Variants in ACOT13 observed in about 807,000 individuals in gnomAD.
ACOT13 encodes the protein acyl-coenzyme A thioesterase 13.
ACOT13 carries 10 observed loss-of-function variants against 11.8 expected under a neutral mutation model. The ratio of observed to expected loss-of-function variants is 0.85; its 90% CI spans 0.53 to 1.44. The LOEUF is 1.44. Ranked by LOEUF, ACOT13 falls within the 40% of genes most tolerant of loss-of-function variation. The pLI, the probability that ACOT13 is intolerant of heterozygous loss-of-function variation, is 0.00. For synonymous variants in ACOT13, 53 were observed against 61.0 expected, an observed-to-expected ratio of 0.87 and a Z score of 0.61; for missense variants, 172 against 174.1, an observed-to-expected ratio of 0.99 and a Z score of 0.07.
rs143877347 is a variant in ACOT13 at position 24,677,392 on chromosome 6, C to A, written c.81+10048C>A. 2.3e-3 allele frequency among the ~76,000 whole-genome samples: 358 copies of A among 152,352 alleles called. 1 individual carries two copies. The highest frequency in any genetic ancestry group is 4.1e-3 in the Admixed American group (63 of 15,308). ...TTAGCAGTGAGTATGCCATTCACAT[C>A]ATGAGATGTTCACACAGTAAGATCT... is the stretch of plus-strand genomic sequence containing the variant. On this transcript the variant is annotated intron_variant, in intron 1 of 2. Coordinates refer to ENST00000230048, the MANE Select transcript of ACOT13 (RefSeq NM_018473.4).
At chr6:24,678,123 C>T (rs1245846269) in intron 1 of ACOT13, among the ~76,000 whole-genome samples, 4 of 152,068 alleles carry the variant, frequency 2.6e-5, no homozygotes, top group Admixed American at 2.0e-4. Context: ...AATAGATGGG[C>T]GCTATGCTTG....
intron 1 of ACOT13, among the ~76,000 whole-genome samples, chr6:24,693,484 AAAG>A (rs1778747594): frequency 6.6e-6 from 1 of 152,224 alleles, no homozygotes. Flanking sequence ...CCTTTTAAAA[AAAG>A]ACCAGAATGA....
chr6:24,682,387 G>A (rs1024287543), intron 1 of ACOT13, among the ~76,000 whole-genome samples: 3 of 152,174 alleles, frequency 2.0e-5, no homozygotes, highest in Non-Finnish European at 2.9e-5. Context: ...GGCAAGCCTC[G>A]TGTTCTCTTA....
chr6:24,694,710 T>A (rs945458862), intron 1 of ACOT13, among the ~76,000 whole-genome samples: 2 of 152,190 alleles, frequency 1.3e-5, no homozygotes, highest in African/African-American at 4.8e-5. Context: ...GGACATTCCT[T>A]CATCATCTTC....
At position 24,703,371 on chromosome 6, in the gene ACOT13, C is replaced by A. The variant is rs1387822356; in HGVS notation, c.*1756C>A. ...AGTAGCAATAGCAGCAGTGAGCATA[C>A]AGGAGTCCCAGATGTTTACTTCTAG... On this transcript the variant is annotated 3_prime_UTR_variant, in exon 3 of 3. Coordinates refer to ENST00000230048, the MANE Select transcript of ACOT13 (RefSeq NM_018473.4). The A allele has an allele frequency of 6.6e-6, 1 of 152,078 alleles. No homozygotes were observed. Among genetic ancestry groups the A allele is most frequent in the African/African-American group, 2.4e-5 (1 of 41,378 alleles). The allele number at this position is 152,078 out of a possible 1,614,324, so 9.4% of individuals were successfully genotyped here.
intron 1 of ACOT13, among the ~76,000 whole-genome samples, chr6:24,694,860 C>CA (rs1778770274): frequency 6.6e-6 from 1 of 152,156 alleles, no homozygotes; most frequent in African/African-American, 2.4e-5. Flanking sequence ...ATTAGTATGT[C>CA]CTTTGGCCTT....
In ACOT13 at chr6:24,701,785, CACTT is replaced by C. The variant is rs1778897030; in HGVS notation, c.*171_*174del. 1 of 564,820 alleles carries C rather than the reference CACTT, an allele frequency of 1.8e-6. No individual in the cohort carries two copies. The highest frequency in any genetic ancestry group is 2.9e-6 in the Non-Finnish European group (1 of 345,078). The allele number at this position is 564,820 out of a possible 1,614,324, so 35.0% of individuals were successfully genotyped here. ...GGGTAAAGGTGGGGGTGTCTTTTTT[CACTT>C]TAAGCATCTTGTTTTCTAATCATGT... is the stretch of plus-strand genomic sequence containing the variant. On this transcript the variant is annotated 3_prime_UTR_variant, in exon 3 of 3. Coordinates refer to ENST00000230048, the MANE Select transcript of ACOT13 (RefSeq NM_018473.4).
intron 1 of ACOT13, among the ~76,000 whole-genome samples, chr6:24,677,449 C>G (rs1304479755): frequency 3.9e-5 from 6 of 152,222 alleles, no homozygotes; most frequent in Admixed American, 3.3e-4. Flanking sequence ...GCTTCAGATA[C>G]TAAGACTGCT....
intron 1 of ACOT13, among the ~76,000 whole-genome samples, chr6:24,694,288 A>C (rs1484045299): frequency 2.6e-5 from 4 of 152,166 alleles, no homozygotes; most frequent in Admixed American, 6.5e-5. Flanking sequence ...ACATCATAAA[A>C]GCCTCCATAC....
chr6:24,670,541 G>A (rs1278167003), intron 1 of ACOT13, among the ~76,000 whole-genome samples: 2 of 152,196 alleles, frequency 1.3e-5, no homozygotes, highest in Non-Finnish European at 2.9e-5. Flanking sequence ...TCCACTCAAA[G>A]CCTTGGTAAA....
intron 1 of ACOT13, among the ~76,000 whole-genome samples, chr6:24,692,394 G>A (rs909307517): frequency 2.0e-4 from 30 of 152,164 alleles, no homozygotes; most frequent in African/African-American, 7.2e-4. Flanking sequence ...TTTGATAATA[G>A]TTTTTATAAT....
intron 1 of ACOT13, among the ~76,000 whole-genome samples, chr6:24,669,050 GA>G (rs1264553353): frequency 6.6e-6 from 1 of 152,338 alleles, no homozygotes; most frequent in African/African-American, 2.4e-5. Context: ...TCGCTTGTAA[GA>G]AAATCATGCT....
intron 1 of ACOT13, among the ~76,000 whole-genome samples, chr6:24,690,258 C>A (rs978533009): frequency 6.6e-6 from 1 of 152,168 alleles, no homozygotes; most frequent in South Asian, 2.1e-4. Flanking sequence ...TGCAAAAATT[C>A]TACACAATTT....
Position 24,667,162 on chromosome 6 carries a change from T to C in ACOT13, c.-102T>C. On this transcript the variant is annotated 5_prime_UTR_variant, in exon 1 of 3. Coordinates refer to ENST00000230048, the MANE Select transcript of ACOT13 (RefSeq NM_018473.4). ...CCTAGGGGCGGAGAAGGGTGCGGGC[T>C]CTTCGCCCTTTGTGTCCTCCTTCTT... 2.4e-6 allele frequency: 3 copies of C among 1,234,636 alleles called. No individual in the cohort carries two copies. Among genetic ancestry groups the C allele is most frequent in the Admixed American group, 2.1e-5 (1 of 48,696 alleles). 76.5% of individuals were successfully genotyped at this position (1,234,636 alleles called of 1,614,324 possible). A position where few individuals can be genotyped will look rare whatever the true frequency, so the allele number is the denominator to read the frequency against.
In ACOT13 at chr6:24,704,921, CTTTT is replaced by C. The variant is rs532472016; in HGVS notation, c.*3310_*3313del. Reference sequence around the variant, plus strand: ...CCTATTTTATTTAGGTTTTCTTTTTCTTTTTTTCTTTTTTTTTCAAATTCCAACC... The same window carrying C: ...CCTATTTTATTTAGGTTTTCTTTTTCTTTCTTTTTTTTTCAAATTCCAACC... On this transcript the variant is annotated 3_prime_UTR_variant, in exon 3 of 3. Coordinates refer to ENST00000230048, the MANE Select transcript of ACOT13 (RefSeq NM_018473.4). The C allele has an allele frequency of 5.3e-5, 8 of 151,750 alleles. No individual in the cohort carries two copies. The highest frequency in any genetic ancestry group is 2.0e-4 in the Admixed American group (3 of 15,236). 9.4% of individuals were successfully genotyped at this position (151,750 alleles called of 1,614,324 possible). A position where few individuals can be genotyped will look rare whatever the true frequency, so the allele number is the denominator to read the frequency against.
chr6:24,704,129 A>G lies in ACOT13; in HGVS notation c.*2514A>G, dbSNP rs932854115. On this transcript the variant is annotated 3_prime_UTR_variant, in exon 3 of 3. Coordinates refer to ENST00000230048, the MANE Select transcript of ACOT13 (RefSeq NM_018473.4). ...TGAGTTTGGTAATTTTACTCTAGTTATATGAAATATTCTTGTACTTGGAAC... is the reference window on the plus strand; with the variant it reads ...TGAGTTTGGTAATTTTACTCTAGTTGTATGAAATATTCTTGTACTTGGAAC... 15 of 152,234 alleles carry G rather than the reference A, an allele frequency of 9.9e-5. No homozygotes were observed. Among genetic ancestry groups the G allele is most frequent in the African/African-American group, 3.6e-4 (15 of 41,464 alleles). The allele number at this position is 152,234 out of a possible 1,614,324, so 9.4% of individuals were successfully genotyped here.
chr6:24,667,716 G>A (rs901870261), intron 1 of ACOT13, among the ~76,000 whole-genome samples: 1 of 152,214 alleles, frequency 6.6e-6, no homozygotes, highest in Non-Finnish European at 1.5e-5. Context: ...AAGATTAGAA[G>A]ATAAATAATT....
At chr6:24,691,817 C>A (rs564577963) in intron 1 of ACOT13, among the ~76,000 whole-genome samples, 1 of 152,160 alleles carries the variant, frequency 6.6e-6, no homozygotes, top group Non-Finnish European at 1.5e-5. Context: ...CTTTGACTTA[C>A]GATGAGGTCG....
intron 1 of ACOT13, among the ~76,000 whole-genome samples, chr6:24,682,692 G>A (rs940226878): frequency 7.2e-5 from 11 of 151,974 alleles, no homozygotes; most frequent in East Asian, 1.9e-4. Flanking sequence ...CTGCGGTGGC[G>A]GGTCTGCGAT....
Sources: allele counts gnomAD v4.1 joint callset (sites outside exome capture counted in the v4.1 genomes callset), GRCh38; gene constraint gnomAD v4.1.1; transcripts MANE v1.5; gene names NCBI Gene and HGNC (gene_info 2026-07-23, HGNC 2026-07-21).